DPF3: variants seen among roughly 807,000 people sequenced by gnomAD.
DPF3 encodes double PHD fingers 3.
DPF3 carries 18 observed loss-of-function variants against 56.8 expected under a neutral mutation model. That is an observed-to-expected ratio of 0.32 (90% CI 0.22 to 0.47). The LOEUF (loss-of-function observed/expected upper bound fraction) is 0.47. Among genes scored for constraint, DPF3 ranks in the 20% least tolerant of loss-of-function variants. The probability of loss-of-function intolerance (pLI) is 1.00; values close to 1 mark genes in which losing one functional copy is unlikely to be tolerated. For missense variants in DPF3, 403 were observed against 488.8 expected, an observed-to-expected ratio of 0.82 and a Z score of 1.65; for synonymous variants, 188 against 180.2, an observed-to-expected ratio of 1.04 and a Z score of -0.35.
Position 72,723,736 on chromosome 14 carries a change from GA to G in DPF3, c.430-9del, listed in dbSNP as rs35285137. ...ATCATTTTCCAAAACCCTCTGAAAT[GA>G]AAAAAAAAAATAGAAAAGGTGAGAA... On this transcript the variant is annotated splice_polypyrimidine_tract_variant and intron_variant, in intron 4 of 10. Coordinates refer to ENST00000556509, the MANE Select transcript of DPF3 (RefSeq NM_001280542.3). The G allele has an allele frequency of 0.012, 15,438 of 1,249,238 alleles. 2 individuals carry two copies. Among genetic ancestry groups the G allele is most frequent in the East Asian group, 0.02 (631 of 31,646 alleles). 77.4% of individuals were successfully genotyped at this position (1,249,238 alleles called of 1,614,324 possible).
chr14:72,811,932 A>T (rs1478738329), intron 1 of DPF3, among the ~76,000 whole-genome samples: 1 of 151,962 alleles, frequency 6.6e-6, no homozygotes, highest in Non-Finnish European at 1.5e-5. Context: ...AGCTGCAGTA[A>T]AGTCTTGAGT....
At position 72,693,209 on chromosome 14, in the gene DPF3, A is replaced by G; in HGVS notation, c.609T>C (p.Cys203=). The G allele has an allele frequency of 6.2e-7, 1 of 1,613,910 alleles. No homozygotes were observed. Among genetic ancestry groups the G allele is most frequent in the Non-Finnish European group, 8.5e-7 (1 of 1,179,870 alleles). ...DHDKPYVCDI[C]GKRYKNRPGL... Reference sequence around the variant, plus strand: ...CCGGTCGGTTCTTGTAGCGCTTGCCACAGACTAGAGAGGAAAAGAGGAAAA... The same window carrying G: ...CCGGTCGGTTCTTGTAGCGCTTGCCGCAGACTAGAGAGGAAAAGAGGAAAA... Residue 203 remains cysteine, a synonymous_variant, in exon 7 of 11, where the codon TGT becomes TGC. Transcript: ENST00000556509.
chr14:72,675,530 A>G (rs978307310), intron 7 of DPF3: 1 of 152,234 alleles, frequency 6.6e-6, no homozygotes, highest in Non-Finnish European at 1.5e-5. Context: ...TGAAAAAGGA[A>G]GCAGAGATGT....
intron 1 of DPF3, among the ~76,000 whole-genome samples, chr14:72,864,369 C>G (rs750613183): frequency 6.6e-6 from 1 of 152,226 alleles, no homozygotes; most frequent in Non-Finnish European, 1.5e-5. Context: ...TCTGCCACAG[C>G]ATTTACACTT....
chr14:72,633,367 G>A (rs1489217760), intron 8 of DPF3, among the ~76,000 whole-genome samples: 1 of 152,088 alleles, frequency 6.6e-6, no homozygotes, highest in Non-Finnish European at 1.5e-5. Context: ...AGGGAATGAG[G>A]AAGTATCTAG....
intron 6 of DPF3, 86 bp from the exon 7 acceptor site, chr14:72,693,299 C>T (rs971149224): frequency 1.3e-5 from 19 of 1,448,890 alleles, no homozygotes; most frequent in Admixed American, 1.3e-4. Flanking sequence ...GACAGTGATC[C>T]CATCCATCCA....
chr14:72,648,569 GAAAA>G (rs11348282), intron 8 of DPF3, among the ~76,000 whole-genome samples: 3 of 92,906 alleles, frequency 3.2e-5, no homozygotes, highest in Non-Finnish European at 4.6e-5. Context: ...TCTCAAAAAA[GAAAA>G]AAAAAAAAAA....
chr14:72,651,319 T>C (rs1481342206), intron 8 of DPF3, among the ~76,000 whole-genome samples: 1 of 152,208 alleles, frequency 6.6e-6, no homozygotes, highest in African/African-American at 2.4e-5. Context: ...GACCCCTCCC[T>C]GACCCTGCCT....
chr14:72,785,388 C>T (rs1242669867), intron 1 of DPF3, among the ~76,000 whole-genome samples: 1 of 152,184 alleles, frequency 6.6e-6, no homozygotes, highest in African/African-American at 2.4e-5. Context: ...AACTGAGGCA[C>T]AGAGAGTCTT....
At chr14:72,892,155 C>T in intron 1 of DPF3, 1 of 1,534,786 alleles carries the variant, frequency 6.5e-7, no homozygotes, top group Non-Finnish European at 8.7e-7. Flanking sequence ...ACCTGGTGCA[C>T]ATGTGAAATA....
intron 8 of DPF3, among the ~76,000 whole-genome samples, chr14:72,671,844 C>G (rs779166405): frequency 3.9e-5 from 6 of 152,146 alleles, no homozygotes; most frequent in Non-Finnish European, 5.9e-5. Flanking sequence ...TTATTTTACC[C>G]GCTTCTAATC....
rs1884087746 is a variant in DPF3 at position 72,616,321 on chromosome 14, A to G, written c.*2976T>C. 6.6e-6 allele frequency among the ~76,000 whole-genome samples: 1 copy of G among 152,092 alleles called. No individual in the cohort carries two copies. The highest frequency in any genetic ancestry group is 2.1e-4 in the South Asian group (1 of 4,816). On this transcript the variant is annotated 3_prime_UTR_variant, in exon 11 of 11. Coordinates refer to ENST00000556509, the MANE Select transcript of DPF3 (RefSeq NM_001280542.3). Reference sequence around the variant, plus strand: ...CACCTTTCCATTCTCAACTGCATTAATCTTATAGAAGGAGTATCCTGAGTA... The same window carrying G: ...CACCTTTCCATTCTCAACTGCATTAGTCTTATAGAAGGAGTATCCTGAGTA...
At chr14:72,772,043 A>G in intron 1 of DPF3, 150 bp from the exon 2 acceptor site, 1 of 819,748 alleles carries the variant, frequency 1.2e-6, no homozygotes, top group Middle Eastern at 2.6e-4. Context: ...GAGCCTTGCC[A>G]ATGAGCAGAA....
intron 1 of DPF3, among the ~76,000 whole-genome samples, chr14:72,775,458 C>A (rs1406657530): frequency 2.6e-5 from 4 of 152,236 alleles, no homozygotes; most frequent in African/African-American, 9.6e-5. Context: ...AACACTGGTG[C>A]TCCACACCAA....
At chr14:72,884,971 T>TGTATATATATATATA (rs10523148) in intron 1 of DPF3, among the ~76,000 whole-genome samples, 5 of 111,680 alleles carry the variant, frequency 4.5e-5, no homozygotes, top group East Asian at 3.0e-4. Flanking sequence ...TATATATATA[T>TGTATATATATATATA]TAGCCGGGCG....
intron 1 of DPF3, among the ~76,000 whole-genome samples, chr14:72,892,962 AGGAAGGAAGGAAGGAAG>A (rs1388438600): frequency 5.0e-4 from 27 of 54,040 alleles, no homozygotes; most frequent in African/African-American, 2.4e-3. Context: ...GAAGGAAGGA[AGGAAGGAAGGAAGGAAG>A]GAAGGAAGGA....
chr14:72,637,270 T>A (rs1885411298), intron 8 of DPF3, among the ~76,000 whole-genome samples: 1 of 152,210 alleles, frequency 6.6e-6, no homozygotes, highest in African/African-American at 2.4e-5. Flanking sequence ...CCTGAGGGCA[T>A]ACATCATGGT....
chr14:72,812,615 GGA>G (rs1883101442), intron 1 of DPF3, among the ~76,000 whole-genome samples: 2 of 152,174 alleles, frequency 1.3e-5, no homozygotes, highest in African/African-American at 4.8e-5. Flanking sequence ...CGGAGAGTAC[GGA>G]GAGTACGCTG....
rs1025415063 is a variant in DPF3, at chr14:72,734,869, G to A, written c.302-2935C>T. 3.9e-5 allele frequency among the ~76,000 whole-genome samples: 6 copies of A among 152,132 alleles called. No individual in the cohort carries two copies. In the South Asian group the frequency reaches 6.2e-4, roughly 16 times the overall value. ...TAGGCTGAGCCCTGAATGAGCTTTG[G>A]TACATCCGTGTACATGCAGAGGGCT... On this transcript the variant is annotated intron_variant, in intron 3 of 10. Coordinates refer to ENST00000556509, the MANE Select transcript of DPF3 (RefSeq NM_001280542.3).
Sources: allele counts gnomAD v4.1 joint callset (sites outside exome capture counted in the v4.1 genomes callset), GRCh38; gene constraint gnomAD v4.1.1; transcripts MANE v1.5; gene names NCBI Gene and HGNC (gene_info 2026-07-23, HGNC 2026-07-21).